COMMD10: variants seen among roughly 807,000 people sequenced by gnomAD.
The protein encoded by COMMD10 is COMM domain-containing protein 10.
COMMD10 carries 33 observed loss-of-function variants against 28.9 expected under a neutral mutation model. The observed-to-expected ratio is 1.14, with a 90% CI of 0.87 to 1.53. COMMD10 has a LOEUF of 1.53. Ranked by LOEUF, COMMD10 falls within the 40% of genes most tolerant of loss-of-function variation. The pLI, the probability that COMMD10 is intolerant of heterozygous loss-of-function variation, is 0.00. For synonymous variants in COMMD10, 110 were observed against 81.7 expected, an observed-to-expected ratio of 1.35 and a Z score of -1.87; for missense variants, 310 against 233.4, an observed-to-expected ratio of 1.33 and a Z score of -2.14.
rs148671149 is a variant in COMMD10, at chr5:116,255,312, G to T, written c.511-36205G>T. ...AGTCCATTTACATTTAAAGTTAATA[G>T]TGTTATGTGTGAATTTGATCCTGTC... On this transcript the variant is annotated intron_variant, in intron 5 of 6. Coordinates refer to ENST00000274458, the MANE Select transcript of COMMD10 (RefSeq NM_016144.4). 1.5e-3 allele frequency among the ~76,000 whole-genome samples: 221 copies of T among 151,640 alleles called. 3 individuals are homozygous for T. The highest frequency in any genetic ancestry group is 7.9e-3 in the South Asian group (38 of 4,810).
intron 5 of COMMD10, among the ~76,000 whole-genome samples, chr5:116,144,904 A>G (rs1277113192): frequency 1.3e-5 from 2 of 151,774 alleles, no homozygotes; most frequent in South Asian, 2.1e-4. Flanking sequence ...CCACAGATCC[A>G]TTGGGGGAGA....
intron 5 of COMMD10, among the ~76,000 whole-genome samples, chr5:116,153,809 C>T (rs1752615461): frequency 6.6e-6 from 1 of 152,016 alleles, no homozygotes; most frequent in Admixed American, 6.6e-5. Flanking sequence ...ATGAAACCCT[C>T]CTCAGGGTAG....
At chr5:116,243,347 C>CT (rs1249330188) in intron 5 of COMMD10, among the ~76,000 whole-genome samples, 2 of 152,108 alleles carry the variant, frequency 1.3e-5, no homozygotes, top group Admixed American at 1.3e-4. Flanking sequence ...AAATTTCACT[C>CT]TTTTAAACTG....
At chr5:116,205,006 C>G (rs919135142) in intron 5 of COMMD10, among the ~76,000 whole-genome samples, 4 of 152,082 alleles carry the variant, frequency 2.6e-5, no homozygotes, top group African/African-American at 7.2e-5. Context: ...ATAAAACTTG[C>G]CATCTCTGTT....
Position 116,208,861 on chromosome 5 carries a change from T to C in COMMD10, c.510+74683T>C, listed in dbSNP as rs1442945773. ...GTTACCTCATTTATTCTTAAACTTT[T>C]ACACAGTTACTGCTGTGTATTTATG... is the stretch of plus-strand genomic sequence containing the variant. On this transcript the variant is annotated intron_variant, in intron 5 of 6. Coordinates refer to ENST00000274458, the MANE Select transcript of COMMD10 (RefSeq NM_016144.4). 2.0e-5 allele frequency among the ~76,000 whole-genome samples: 3 copies of C among 152,220 alleles called. 1 individual carries two copies. Among genetic ancestry groups the C allele is most frequent in the African/African-American group, 7.2e-5 (3 of 41,456 alleles).
At chr5:116,172,573 C>A (rs1753370765) in intron 5 of COMMD10, among the ~76,000 whole-genome samples, 1 of 152,060 alleles carries the variant, frequency 6.6e-6, no homozygotes, top group South Asian at 2.1e-4. Context: ...TTTCTTCAGT[C>A]CTACAGAGTT....
intron 4 of COMMD10, among the ~76,000 whole-genome samples, chr5:116,106,084 T>C (rs898935654): frequency 6.6e-6 from 1 of 150,458 alleles, no homozygotes; most frequent in Non-Finnish European, 1.5e-5. Context: ...CCTGTTTTTG[T>C]TGAGTTTTGT....
intron 5 of COMMD10, among the ~76,000 whole-genome samples, chr5:116,290,916 T>G (rs1043425515): frequency 2.0e-5 from 3 of 152,198 alleles, no homozygotes; most frequent in Non-Finnish European, 4.4e-5. Flanking sequence ...ACCTAGCATC[T>G]GTAGCACCCA....
At chr5:116,224,738 A>T (rs1749349402) in intron 5 of COMMD10, among the ~76,000 whole-genome samples, 1 of 152,138 alleles carries the variant, frequency 6.6e-6, no homozygotes, top group Non-Finnish European at 1.5e-5. Flanking sequence ...TGAGGTTTGG[A>T]GGGGACAAAA....
chr5:116,220,336 G>T (rs1167274805), intron 5 of COMMD10, among the ~76,000 whole-genome samples: 2 of 152,130 alleles, frequency 1.3e-5, no homozygotes, highest in African/African-American at 4.8e-5. Context: ...ATTTAATCAG[G>T]AAGTAAAGGA....
intron 5 of COMMD10, among the ~76,000 whole-genome samples, chr5:116,146,609 C>A (rs946067861): frequency 2.6e-5 from 4 of 151,840 alleles, no homozygotes; most frequent in Non-Finnish European, 4.4e-5. Flanking sequence ...ACACTTCTTT[C>A]CTGGCATAGT....
At chr5:116,102,458 G>A (rs2112724111) in intron 4 of COMMD10, among the ~76,000 whole-genome samples, 1 of 152,210 alleles carries the variant, frequency 6.6e-6, no homozygotes, top group South Asian at 2.1e-4. Flanking sequence ...GGTTATTATA[G>A]CCTTGCAGTT....
chr5:116,148,254 CATATAGTTTAGA>C (rs1363786724), intron 5 of COMMD10, among the ~76,000 whole-genome samples: 1 of 151,794 alleles, frequency 6.6e-6, no homozygotes, highest in Non-Finnish European at 1.5e-5. Flanking sequence ...CATGTTTAGA[CATATAGTTTAGA>C]ATGTCTTTTA....
intron 5 of COMMD10, among the ~76,000 whole-genome samples, chr5:116,174,356 C>A (rs532315552): frequency 1.1e-4 from 17 of 152,032 alleles, no homozygotes; most frequent in Non-Finnish European, 4.4e-5. Context: ...TATGGGAGGA[C>A]ATGGAATTCT....
chr5:116,170,363 A>G (rs888495191), intron 5 of COMMD10, among the ~76,000 whole-genome samples: 3 of 152,242 alleles, frequency 2.0e-5, no homozygotes, highest in Admixed American at 6.5e-5. Flanking sequence ...AAAACATTCT[A>G]TGCTCATGCA....
At chr5:116,209,530 G>A (rs1283697655) in intron 5 of COMMD10, among the ~76,000 whole-genome samples, 1 of 152,120 alleles carries the variant, frequency 6.6e-6, no homozygotes, top group Admixed American at 6.6e-5. Context: ...TAGACCAGGA[G>A]CATTAAAAGG....
At chr5:116,168,158 CAAAA>C (rs56193014) in intron 5 of COMMD10, among the ~76,000 whole-genome samples, 12 of 102,414 alleles carry the variant, frequency 1.2e-4, no homozygotes, top group Non-Finnish European at 1.1e-4. Flanking sequence ...AAATGGAAAG[CAAAA>C]AAAAAAAAAA....
chr5:116,109,554 A>G (rs1377354450), intron 4 of COMMD10, among the ~76,000 whole-genome samples: 1 of 152,238 alleles, frequency 6.6e-6, no homozygotes, highest in Non-Finnish European at 1.5e-5. Context: ...AGATAGTGCC[A>G]CTGCACTCCA....
At chr5:116,157,954 T>A (rs1036678901) in intron 5 of COMMD10, among the ~76,000 whole-genome samples, 10 of 150,456 alleles carry the variant, frequency 6.6e-5, no homozygotes, top group African/African-American at 2.2e-4. Flanking sequence ...TTTTTTTTTT[T>A]AGTCAACCAT....
Sources: allele counts gnomAD v4.1 joint callset (sites outside exome capture counted in the v4.1 genomes callset), GRCh38; gene constraint gnomAD v4.1.1; transcripts MANE v1.5; gene names NCBI Gene and HGNC (gene_info 2026-07-23, HGNC 2026-07-21).